TAFA2: variants seen among roughly 807,000 people sequenced by gnomAD.
TAFA2 encodes TAFA chemokine like family member 2.
Under a neutral mutation model 18.8 loss-of-function variants are expected in TAFA2, and 7 were observed. The observed-to-expected ratio is 0.37, with a 90% CI of 0.21 to 0.70. The LOEUF is 0.70. Ranked by LOEUF, TAFA2 falls within the 30% of genes least tolerant of loss-of-function variation. The pLI, the probability that TAFA2 is intolerant of heterozygous loss-of-function variation, is 0.53. For missense variants in TAFA2, 122 were observed against 158.1 expected (o/e 0.77, Z 1.23); for synonymous variants, 60 against 54.2 (o/e 1.11, Z -0.47).
chr12:62,236,951 T>G (rs1214166921), intron 1 of TAFA2, among the ~76,000 whole-genome samples: 2 of 152,218 alleles, frequency 1.3e-5, no homozygotes, highest in Non-Finnish European at 2.9e-5. Context: ...ATCTGTTTGG[T>G]GATATGTGAC....
At chr12:61,755,615 A>G (rs2120765288) in intron 2 of TAFA2, among the ~76,000 whole-genome samples, 1 of 152,216 alleles carries the variant, frequency 6.6e-6, no homozygotes, top group South Asian at 2.1e-4. Flanking sequence ...CAGAAGCCAG[A>G]GTCATTCCTT....
At chr12:61,716,901 C>G (rs903332871) in intron 4 of TAFA2, among the ~76,000 whole-genome samples, 2 of 152,166 alleles carry the variant, frequency 1.3e-5, no homozygotes, top group African/African-American at 4.8e-5. Flanking sequence ...TGCTTAATAA[C>G]ATCACAAATA....
intron 1 of TAFA2, among the ~76,000 whole-genome samples, chr12:61,937,867 C>G (rs1877837096): frequency 1.3e-5 from 2 of 151,796 alleles, no homozygotes; most frequent in African/African-American, 2.4e-5. Context: ...AGTAAACAAC[C>G]CACAAAATGG....
At chr12:62,247,890 A>G (rs193205655) in intron 1 of TAFA2, among the ~76,000 whole-genome samples, 271 of 152,216 alleles carry the variant, frequency 1.8e-3, no homozygotes, top group Non-Finnish European at 2.5e-3. Context: ...ACTGAATTAA[A>G]ATCAATGAAA....
chr12:61,789,856 C>T (rs918089129), intron 2 of TAFA2, among the ~76,000 whole-genome samples: 1 of 151,762 alleles, frequency 6.6e-6, no homozygotes, highest in Non-Finnish European at 1.5e-5. Flanking sequence ...TATTTCCAAA[C>T]CCATTCTGCA....
At chr12:61,796,733 C>T (rs1423969445) in intron 2 of TAFA2, among the ~76,000 whole-genome samples, 1 of 152,012 alleles carries the variant, frequency 6.6e-6, no homozygotes, top group Non-Finnish European at 1.5e-5. Flanking sequence ...AGTTTTAAGT[C>T]CAGCTATTTG....
At chr12:62,083,542 G>A (rs1222655048) in intron 1 of TAFA2, among the ~76,000 whole-genome samples, 4 of 152,008 alleles carry the variant, frequency 2.6e-5, no homozygotes, top group Non-Finnish European at 5.9e-5. Context: ...CAAAATAAGG[G>A]TGGGTTCTTA....
At chr12:61,795,974 GTGT>G (rs1220738834) in intron 2 of TAFA2, among the ~76,000 whole-genome samples, 2 of 151,930 alleles carry the variant, frequency 1.3e-5, no homozygotes, top group African/African-American at 2.4e-5. Flanking sequence ...ACTACACCAA[GTGT>G]TAGTGACAGT....
At chr12:61,953,873 C>T (rs1272870847) in intron 1 of TAFA2, among the ~76,000 whole-genome samples, 2 of 152,016 alleles carry the variant, frequency 1.3e-5, no homozygotes, top group Non-Finnish European at 1.5e-5. Context: ...GTGTAGTCAC[C>T]GCACTACACA....
rs371376872 is a variant in TAFA2, at chr12:62,201,468, A to G, written c.-130+57295T>C. ...TGAAGAGATGTTGAATTTCAGCAAA[A>G]GCCTTTTCCTATGTCTATTGAGATA... is the stretch of plus-strand genomic sequence containing the variant. On this transcript the variant is annotated intron_variant, in intron 1 of 5. Coordinates refer to the TAFA2 transcript ENST00000551619. 2.6e-5 allele frequency among the ~76,000 whole-genome samples: 4 copies of G among 152,176 alleles called. No individual in the cohort carries two copies. The East Asian group carries it at 7.7e-4, about 29-fold the overall frequency.
intron 2 of TAFA2, among the ~76,000 whole-genome samples, chr12:61,791,184 T>C (rs190670132): frequency 8.6e-5 from 13 of 151,890 alleles, no homozygotes; most frequent in Non-Finnish European, 1.6e-4. Context: ...ATGTATCTTT[T>C]GGCATATACA....
At position 61,871,595 on chromosome 12, in the gene TAFA2, A is replaced by G. The variant is rs1592449807; in HGVS notation, c.-1-4169T>C. Among the ~76,000 whole-genome samples the G allele has an allele frequency of 3.3e-5, 5 of 152,378 alleles. No individual in the cohort carries two copies. The Middle Eastern group carries it at 0.014, about 415-fold the overall frequency. ...TCCCAGGCAGCAGCAGCTTGCAAGGAGCACAAGGGAAAAGAGGAAACTGAG... is the reference window on the plus strand; with the variant it reads ...TCCCAGGCAGCAGCAGCTTGCAAGGGGCACAAGGGAAAAGAGGAAACTGAG... On this transcript the variant is annotated intron_variant, in intron 1 of 4. Coordinates refer to ENST00000416284, the MANE Select transcript of TAFA2 (RefSeq NM_178539.5).
At chr12:62,181,700 C>G (rs1417610914) in intron 1 of TAFA2, among the ~76,000 whole-genome samples, 1 of 152,136 alleles carries the variant, frequency 6.6e-6, no homozygotes, top group Non-Finnish European at 1.5e-5. Flanking sequence ...GTGAACTGAG[C>G]TTGTGACATG....
At chr12:61,796,064 A>T (rs1405361503) in intron 2 of TAFA2, among the ~76,000 whole-genome samples, 3 of 152,152 alleles carry the variant, frequency 2.0e-5, no homozygotes, top group Admixed American at 6.5e-5. Context: ...AACCACTTTG[A>T]AAAGCTGTTT....
At chr12:61,791,936 A>G (rs1315056211) in intron 2 of TAFA2, among the ~76,000 whole-genome samples, 1 of 151,796 alleles carries the variant, frequency 6.6e-6, no homozygotes, top group Non-Finnish European at 1.5e-5. Context: ...TTGCAGCACT[A>G]TTCACAATAT....
At position 61,896,364 on chromosome 12, in the gene TAFA2, A is replaced by G. The variant is rs114562215; in HGVS notation, c.-1-28938T>C. On this transcript the variant is annotated intron_variant, in intron 1 of 4. Coordinates refer to ENST00000416284, the MANE Select transcript of TAFA2 (RefSeq NM_178539.5). ...ATTATATTACACTTTCATGAATGTAAAAAACATTACGAAATATTTAATAAT... is the reference window on the plus strand; with the variant it reads ...ATTATATTACACTTTCATGAATGTAGAAAACATTACGAAATATTTAATAAT... Among the ~76,000 whole-genome samples, 305 of 152,330 alleles carry G rather than the reference A, an allele frequency of 2.0e-3. 1 individual carries two copies. Among genetic ancestry groups the G allele is most frequent in the African/African-American group, 6.9e-3 (289 of 41,588 alleles).
intron 2 of TAFA2, among the ~76,000 whole-genome samples, chr12:61,756,521 G>A (rs1050646388): frequency 1.5e-4 from 23 of 151,994 alleles, no homozygotes; most frequent in African/African-American, 5.1e-4. Flanking sequence ...CATTTTAAGC[G>A]AGTGAATACC....
chr12:61,807,755 T>C (rs1871682655), intron 2 of TAFA2, among the ~76,000 whole-genome samples: 1 of 151,420 alleles, frequency 6.6e-6, no homozygotes, highest in Non-Finnish European at 1.5e-5. Context: ...TCAAAGGAGA[T>C]CATTTTGGAG....
At chr12:62,141,804 G>A (rs1463190914) in intron 1 of TAFA2, among the ~76,000 whole-genome samples, 1 of 152,082 alleles carries the variant, frequency 6.6e-6, no homozygotes, top group Non-Finnish European at 1.5e-5. Flanking sequence ...TATCCCTAAG[G>A]AAGACTCCTA....
Sources: allele counts gnomAD v4.1 joint callset (sites outside exome capture counted in the v4.1 genomes callset), GRCh38; gene constraint gnomAD v4.1.1; transcripts MANE v1.5; gene names NCBI Gene and HGNC (gene_info 2026-07-23, HGNC 2026-07-21).